SOX6: variants seen among roughly 807,000 people sequenced by gnomAD.
The protein encoded by SOX6 is transcription factor SOX-6.
SOX6 carries 11 observed loss-of-function variants against 97.8 expected under a neutral mutation model. The observed-to-expected ratio is 0.11, with a 90% CI of 0.07 to 0.19. SOX6 has a LOEUF of 0.19. SOX6 is among the 10% of genes least tolerant of loss of function. The pLI is 1.00. For missense variants in SOX6, 810 were observed against 1,039.5 expected, an observed-to-expected ratio of 0.78 and a Z score of 3.04; for synonymous variants, 360 against 371.4, an observed-to-expected ratio of 0.97 and a Z score of 0.35.
chr11:16,257,893 G>C (rs1437582074), intron 3 of SOX6, among the ~76,000 whole-genome samples: 1 of 151,694 alleles, frequency 6.6e-6, no homozygotes, highest in Non-Finnish European at 1.5e-5. Context: ...AATGGTAAAA[G>C]ACCTGAACAG....
chr11:16,488,403 C>T (rs967591186), intron 4 of SOX6, among the ~76,000 whole-genome samples: 3 of 152,064 alleles, frequency 2.0e-5, no homozygotes, highest in Admixed American at 6.5e-5. Flanking sequence ...TTAACATTTA[C>T]CTCCCAAAGT....
chr11:16,436,915 T>C (rs550570888), intron 1 of SOX6, among the ~76,000 whole-genome samples: 1 of 152,210 alleles, frequency 6.6e-6, no homozygotes, highest in Non-Finnish European at 1.5e-5. Flanking sequence ...TAGCCTTCTC[T>C]GTGAACCAAG....
chr11:16,083,120 C>CT (rs1293998688), intron 9 of SOX6, among the ~76,000 whole-genome samples: 1 of 152,202 alleles, frequency 6.6e-6, no homozygotes, highest in African/African-American at 2.4e-5. Flanking sequence ...ATTGCCAGTA[C>CT]TTCCCCAGGG....
intron 4 of SOX6, among the ~76,000 whole-genome samples, chr11:16,222,665 C>CA (rs1227798938): frequency 3.9e-5 from 6 of 152,110 alleles, no homozygotes; most frequent in African/African-American, 1.4e-4. Flanking sequence ...TGTCTCCTGT[C>CA]AAAAATTTGA....
intron 9 of SOX6, among the ~76,000 whole-genome samples, chr11:16,064,343 C>T (rs1055414150): frequency 6.6e-6 from 1 of 151,578 alleles, no homozygotes; most frequent in African/African-American, 2.4e-5. Flanking sequence ...CCTTACACAC[C>T]AAATTCTTTT....
At chr11:16,211,875 A>G (rs773882141) in intron 4 of SOX6, among the ~76,000 whole-genome samples, 1 of 152,182 alleles carries the variant, frequency 6.6e-6, no homozygotes, top group Non-Finnish European at 1.5e-5. Flanking sequence ...GTGAAAAATC[A>G]AAGTTGATTT....
upstream of SOX6, among the ~76,000 whole-genome samples, chr11:16,357,608 CT>C (rs1857107386): frequency 6.6e-6 from 1 of 152,136 alleles, no homozygotes. Flanking sequence ...TGACACATTG[CT>C]TGCACATCAT....
At chr11:16,596,025 C>G (rs1192376753) in intron 4 of SOX6, among the ~76,000 whole-genome samples, 1 of 152,040 alleles carries the variant, frequency 6.6e-6, no homozygotes, top group Non-Finnish European at 1.5e-5. Context: ...ACCAACTTTG[C>G]CATTGGAAAA....
At chr11:16,405,867 T>C (rs922695252) in intron 1 of SOX6, among the ~76,000 whole-genome samples, 1 of 151,998 alleles carries the variant, frequency 6.6e-6, no homozygotes, top group Non-Finnish European at 1.5e-5. Context: ...GAGTTTCCTT[T>C]TTCTAAATGT....
At chr11:16,208,332 A>G (rs545176589) in intron 4 of SOX6, among the ~76,000 whole-genome samples, 2 of 152,316 alleles carry the variant, frequency 1.3e-5, no homozygotes, top group South Asian at 4.1e-4. Flanking sequence ...CCTAAATTGT[A>G]TGCATAAAAC....
chr11:16,356,398 G>T lies in SOX6; in HGVS notation c.-309C>A, dbSNP rs190007495. ...TGAAAGAAGTGAAATCTCTTGGCCT[G>T]TTGGGAGATACAGTACCCCACATAC... is the stretch of plus-strand genomic sequence containing the variant. On this transcript the variant is annotated 5_prime_UTR_variant, in exon 1 of 16. Transcript: ENST00000683767. Among the ~76,000 whole-genome samples the T allele has an allele frequency of 7.4e-4, 112 of 152,208 alleles. 1 individual carries two copies. Among genetic ancestry groups the T allele is most frequent in the Non-Finnish European group, 1.4e-3 (94 of 67,986 alleles).
chr11:16,045,205 T>A (rs1855792164), intron 12 of SOX6, among the ~76,000 whole-genome samples: 1 of 152,130 alleles, frequency 6.6e-6, no homozygotes, highest in Non-Finnish European at 1.5e-5. Flanking sequence ...TATAGGGTAC[T>A]ATGGAGATAA....
At chr11:16,597,893 C>A (rs1199215821) in intron 4 of SOX6, among the ~76,000 whole-genome samples, 1 of 151,974 alleles carries the variant, frequency 6.6e-6, no homozygotes, top group Non-Finnish European at 1.5e-5. Flanking sequence ...ATTACTCTAT[C>A]CCAAGTCTTC....
intron 13 of SOX6, among the ~76,000 whole-genome samples, chr11:16,007,477 G>A (rs1198858245): frequency 6.6e-6 from 1 of 152,072 alleles, no homozygotes; most frequent in Non-Finnish European, 1.5e-5. Flanking sequence ...GAAACTGGGG[G>A]AGGACTGGGT....
At chr11:16,042,417 G>A (rs1010336137) in intron 12 of SOX6, among the ~76,000 whole-genome samples, 6 of 152,152 alleles carry the variant, frequency 3.9e-5, no homozygotes, top group Non-Finnish European at 7.4e-5. Flanking sequence ...AAAGCAGGGA[G>A]CTAAATGCTT....
At chr11:16,295,687 A>C (rs1233591129) in intron 3 of SOX6, among the ~76,000 whole-genome samples, 3 of 152,076 alleles carry the variant, frequency 2.0e-5, no homozygotes, top group African/African-American at 7.2e-5. Flanking sequence ...ATAAAGTAAA[A>C]CATGTCAACA....
chr11:16,510,162 TA>T (rs1434388185), intron 4 of SOX6, among the ~76,000 whole-genome samples: 1 of 152,032 alleles, frequency 6.6e-6, no homozygotes, highest in Non-Finnish European at 1.5e-5. Flanking sequence ...CAGAAGCTGT[TA>T]ATTCACAAAT....
chr11:16,078,115 ATAAT>A (rs1848397883), intron 9 of SOX6, among the ~76,000 whole-genome samples: 1 of 152,238 alleles, frequency 6.6e-6, no homozygotes, highest in South Asian at 2.1e-4. Context: ...CAAAAAGGTG[ATAAT>A]TAGGGCAGTT....
At chr11:16,347,167 C>G (rs992416377) in intron 1 of SOX6, among the ~76,000 whole-genome samples, 1 of 152,082 alleles carries the variant, frequency 6.6e-6, no homozygotes, top group African/African-American at 2.4e-5. Flanking sequence ...GGCAGCCAGC[C>G]TAATGACTGG....
Sources: allele counts gnomAD v4.1 joint callset (sites outside exome capture counted in the v4.1 genomes callset), GRCh38; gene constraint gnomAD v4.1.1; transcripts MANE v1.5; gene names NCBI Gene and HGNC (gene_info 2026-07-23, HGNC 2026-07-21).